Variants in PDSS2 observed in about 807,000 individuals in gnomAD.
PDSS2 encodes the protein all trans-polyprenyl-diphosphate synthase PDSS2.
Under a neutral mutation model 44.5 loss-of-function variants are expected in PDSS2, and 31 were observed. The ratio of observed to expected loss-of-function variants is 0.70; its 90% confidence interval spans 0.52 to 0.94. PDSS2 has a LOEUF of 0.94. Among genes scored for constraint, PDSS2 ranks in the 40% least tolerant of loss-of-function variants. The pLI is 0.00. For synonymous variants in PDSS2, 157 were observed against 180.3 expected, an observed-to-expected ratio of 0.87 and a Z score of 1.03; for missense variants, 452 against 482.2, an observed-to-expected ratio of 0.94 and a Z score of 0.59.
chr6:107,163,310 T>C (rs1352738183), intron 7 of PDSS2, among the ~76,000 whole-genome samples: 1 of 152,180 alleles, frequency 6.6e-6, no homozygotes, highest in East Asian at 1.9e-4. Context: ...CTGATGACTA[T>C]TTTACTTTAG....
intron 4 of PDSS2, among the ~76,000 whole-genome samples, chr6:107,224,943 G>A (rs1773735616): frequency 1.3e-5 from 2 of 149,704 alleles, no homozygotes; most frequent in African/African-American, 2.5e-5. Flanking sequence ...CATGCTGTTG[G>A]CCACGGCTAC....
At chr6:107,204,421 T>C (rs1482499591) in intron 6 of PDSS2, among the ~76,000 whole-genome samples, 2 of 152,202 alleles carry the variant, frequency 1.3e-5, no homozygotes, top group Non-Finnish European at 2.9e-5. Flanking sequence ...GATCTGAACA[T>C]TCATGTACAT....
chr6:107,314,620 T>TCTATG (rs1370965432), intron 2 of PDSS2, among the ~76,000 whole-genome samples: 4 of 152,214 alleles, frequency 2.6e-5, no homozygotes, highest in Non-Finnish European at 4.4e-5. Flanking sequence ...TATTACACAG[T>TCTATG]GCTCATTAGA....
At chr6:107,417,622 C>T (rs1051035440) in intron 1 of PDSS2, among the ~76,000 whole-genome samples, 6 of 151,860 alleles carry the variant, frequency 4.0e-5, no homozygotes, top group African/African-American at 9.7e-5. Context: ...TAGCTGGGCA[C>T]GGTGGCGCAG....
At chr6:107,328,608 A>C (rs1777621752) in intron 2 of PDSS2, among the ~76,000 whole-genome samples, 1 of 152,146 alleles carries the variant, frequency 6.6e-6, no homozygotes, top group Admixed American at 6.5e-5. Flanking sequence ...CAGAGTTCTC[A>C]TTAGGATTCA....
chr6:107,369,480 C>T (rs894337121), intron 1 of PDSS2, among the ~76,000 whole-genome samples: 3 of 151,870 alleles, frequency 2.0e-5, no homozygotes, highest in Admixed American at 1.3e-4. Flanking sequence ...TCTTATCTCA[C>T]ATCATATAAA....
intron 3 of PDSS2, among the ~76,000 whole-genome samples, chr6:107,261,889 ATTTCT>A (rs373543255): frequency 0.13 from 18,642 of 140,178 alleles, 1,623 homozygotes; most frequent in African/African-American, 0.21. Flanking sequence ...CGTCTCAGGT[ATTTCT>A]TTTCTTTCTT....
intron 1 of PDSS2, among the ~76,000 whole-genome samples, chr6:107,446,712 T>C (rs947067478): frequency 6.6e-6 from 1 of 152,112 alleles, no homozygotes; most frequent in East Asian, 1.9e-4. Flanking sequence ...TGAGTGCCAG[T>C]AGGGGAAATG....
At chr6:107,360,448 C>G (rs1404595647) in intron 1 of PDSS2, among the ~76,000 whole-genome samples, 2 of 152,154 alleles carry the variant, frequency 1.3e-5, no homozygotes, top group Non-Finnish European at 2.9e-5. Context: ...GAATTAGTGA[C>G]CAAATGTGAG....
chr6:107,390,969 T>C (rs1779760552), intron 1 of PDSS2, among the ~76,000 whole-genome samples: 1 of 151,810 alleles, frequency 6.6e-6, no homozygotes, highest in African/African-American at 2.4e-5. Context: ...GCTATTTTTT[T>C]AACCTTTTTT....
intron 7 of PDSS2, among the ~76,000 whole-genome samples, chr6:107,162,494 C>T (rs373352826): frequency 1.7e-5 from 1 of 58,606 alleles, no homozygotes; most frequent in African/African-American, 6.2e-5. Flanking sequence ...GAGACCATCT[C>T]AAAAAAAAAA....
intron 3 of PDSS2, among the ~76,000 whole-genome samples, chr6:107,252,895 AAC>A (rs1455113777): frequency 6.6e-6 from 1 of 152,198 alleles, no homozygotes; most frequent in African/African-American, 2.4e-5. Context: ...TCATTTCATG[AAC>A]AGTTTGATAT....
chr6:107,366,175 T>C (rs374517519), intron 1 of PDSS2, among the ~76,000 whole-genome samples: 1 of 152,064 alleles, frequency 6.6e-6, no homozygotes, highest in South Asian at 2.1e-4. Flanking sequence ...ACTGAAATCA[T>C]AAAAAGTATG....
At chr6:107,176,709 T>C (rs1771802550) in intron 7 of PDSS2, among the ~76,000 whole-genome samples, 1 of 152,154 alleles carries the variant, frequency 6.6e-6, no homozygotes, top group Admixed American at 6.6e-5. Context: ...GTACAAATTA[T>C]CATAACTGAA....
At position 107,152,999 on chromosome 6, in the gene PDSS2, T is replaced by C. The variant is rs973114499; in HGVS notation, c.*1620A>G. The C allele has an allele frequency of 6.6e-6, 1 of 152,468 alleles. No individual in the cohort carries two copies. Among genetic ancestry groups the C allele is most frequent in the East Asian group, 1.9e-4 (1 of 5,206 alleles). 9.4% of individuals were successfully genotyped at this position (152,468 alleles called of 1,614,324 possible). ...TGGCATAAACTGTACAATTATGATA[T>C]TTTGAGTACACTTAAAATATTTTAT... On this transcript the variant is annotated 3_prime_UTR_variant, in exon 8 of 8. Transcript: ENST00000369037.
intron 1 of PDSS2, among the ~76,000 whole-genome samples, chr6:107,384,428 G>C (rs1779548225): frequency 6.6e-6 from 1 of 152,116 alleles, no homozygotes; most frequent in South Asian, 2.1e-4. Flanking sequence ...ATCACCTGAA[G>C]TCAGGAGTTC....
intron 1 of PDSS2, among the ~76,000 whole-genome samples, chr6:107,419,794 T>C (rs1244031069): frequency 6.6e-6 from 1 of 152,224 alleles, no homozygotes; most frequent in Non-Finnish European, 1.5e-5. Context: ...GTCTTATGCA[T>C]CTTTTGGTTA....
At chr6:107,189,636 C>T (rs1772301294) in intron 7 of PDSS2, among the ~76,000 whole-genome samples, 2 of 152,150 alleles carry the variant, frequency 1.3e-5, no homozygotes, top group African/African-American at 4.8e-5. Flanking sequence ...TGTGCCCGGC[C>T]CCAGCCAGGT....
At chr6:107,268,971 C>T (rs948844138) in intron 3 of PDSS2, among the ~76,000 whole-genome samples, 1 of 150,294 alleles carries the variant, frequency 6.7e-6, no homozygotes, top group African/African-American at 2.4e-5. Context: ...CGGAGTTTCG[C>T]TCTTGTTGCC....
Sources: allele counts gnomAD v4.1 joint callset (sites outside exome capture counted in the v4.1 genomes callset), GRCh38; gene constraint gnomAD v4.1.1; transcripts MANE v1.5; gene names NCBI Gene and HGNC (gene_info 2026-07-23, HGNC 2026-07-21).